The following THADA variants were observed in gnomAD, a reference collection of about 807,000 sequenced individuals.
THADA encodes the protein THADA armadillo repeat containing, also known as tRNA (32-2'-O)-methyltransferase regulator THADA.
THADA carries 213 observed loss-of-function variants against 219.8 expected under a neutral mutation model. The ratio of observed to expected loss-of-function variants is 0.97; its 90% CI spans 0.87 to 1.09. The LOEUF is 1.09. Among genes scored for constraint, THADA ranks in the 50% least tolerant of loss-of-function variants. THADA has a pLI of 0.00. For synonymous variants in THADA, 1,018 were observed against 828.9 expected (o/e 1.23, Z -3.92); for missense variants, 2,956 against 2,311.3 (o/e 1.28, Z -5.72).
intron 29 of THADA, among the ~76,000 whole-genome samples, chr2:43,356,818 A>C (rs1233770673): frequency 6.6e-6 from 1 of 152,168 alleles, no homozygotes; most frequent in Non-Finnish European, 1.5e-5. Context: ...ACAATTACTC[A>C]CTAATGGGAT....
At chr2:43,549,072 A>T in intron 20 of THADA, 138 bp downstream of exon 20, 1 of 858,546 alleles carries the variant, frequency 1.2e-6, no homozygotes, top group Non-Finnish European at 1.6e-6. Flanking sequence ...TTCCCAAAAC[A>T]AAATTTTTAA....
intron 34 of THADA, 104 bp downstream of exon 34, chr2:43,291,592 C>T: frequency 2.9e-6 from 2 of 687,120 alleles, no homozygotes; most frequent in Non-Finnish European, 2.2e-6. Context: ...ATACACATAT[C>T]ACAGGGGTTC....
intron 36 of THADA, among the ~76,000 whole-genome samples, chr2:43,274,178 C>T (rs578249023): frequency 1.3e-4 from 20 of 152,144 alleles, no homozygotes; most frequent in Non-Finnish European, 2.9e-4. Context: ...GCTTTCTGGT[C>T]CTGTAATCCA....
At chr2:43,574,271 G>C in intron 11 of THADA, 65 bp downstream of exon 11, 5 of 1,086,998 alleles carry the variant, frequency 4.6e-6, no homozygotes, top group Non-Finnish European at 5.2e-6. Context: ...ATTAGTATCT[G>C]CATAGCTACC....
At chr2:43,529,983 T>C (rs540857905) in intron 21 of THADA, among the ~76,000 whole-genome samples, 2 of 152,226 alleles carry the variant, frequency 1.3e-5, no homozygotes, top group South Asian at 4.2e-4. Context: ...ATAATCCAAT[T>C]CAGTTCAATA....
At chr2:43,242,488 T>C (rs891811432) in intron 36 of THADA, among the ~76,000 whole-genome samples, 8 of 152,108 alleles carry the variant, frequency 5.3e-5, no homozygotes, top group Admixed American at 2.6e-4. Context: ...ACCTATATTC[T>C]TTTTTCTTTT....
chr2:43,548,719 GA>G (rs138139942), intron 20 of THADA, among the ~76,000 whole-genome samples: 3,355 of 152,326 alleles, frequency 0.022, 131 homozygotes, highest in African/African-American at 0.075. Context: ...AAGCCCGTCG[GA>G]AAAGTGCAGT....
In THADA at chr2:43,417,037, C is replaced by CTTTT. The variant is rs67993873; in HGVS notation, c.4058+11059_4058+11062dup. Reference sequence around the variant, plus strand: ...GAATTGATATCCTCATGGCTGTTTTCTTTTTTTTTTTTTTTTTTTTTTGAG... The same window carrying CTTTT: ...GAATTGATATCCTCATGGCTGTTTTCTTTTTTTTTTTTTTTTTTTTTTTTTTGAG... On this transcript the variant is annotated intron_variant, in intron 28 of 37. Transcript: ENST00000405975. Among the ~76,000 whole-genome samples, 738 of 93,690 alleles carry CTTTT rather than the reference C, an allele frequency of 7.9e-3. 21 individuals are homozygous for CTTTT. Among genetic ancestry groups the CTTTT allele is most frequent in the African/African-American group, 0.021 (529 of 25,374 alleles). 61.5% of individuals were successfully genotyped at this position (93,690 alleles called of 152,430 possible).
intron 22 of THADA, among the ~76,000 whole-genome samples, chr2:43,510,691 G>C (rs1445113521): frequency 1.3e-5 from 2 of 151,054 alleles, no homozygotes; most frequent in African/African-American, 4.9e-5. Flanking sequence ...ATTGGGCCGG[G>C]TGAGCACAGT....
At chr2:43,247,083 G>T (rs916552494) in intron 36 of THADA, among the ~76,000 whole-genome samples, 5 of 152,160 alleles carry the variant, frequency 3.3e-5, no homozygotes, top group Non-Finnish European at 5.9e-5. Context: ...GAGTCTTAAG[G>T]GTTTCGAGAC....
intron 29 of THADA, among the ~76,000 whole-genome samples, chr2:43,346,306 T>C (rs1018955355): frequency 2.6e-5 from 4 of 152,138 alleles, no homozygotes; most frequent in African/African-American, 4.8e-5. Context: ...AGACATTTAG[T>C]GTGTTGGGTT....
chr2:43,296,883 C>T (rs914474169), intron 31 of THADA, among the ~76,000 whole-genome samples: 11 of 151,330 alleles, frequency 7.3e-5, no homozygotes, highest in African/African-American at 1.7e-4. Flanking sequence ...ACGGGCCCCG[C>T]GGGGCCCGAG....
intron 26 of THADA, among the ~76,000 whole-genome samples, chr2:43,432,056 C>T (rs1396918317): frequency 5.7e-5 from 7 of 123,174 alleles, no homozygotes; most frequent in Non-Finnish European, 1.2e-4. Context: ...CGGGGTTTCA[C>T]CGTTTTAGCC....
At chr2:43,449,493 A>T (rs767016262) in intron 26 of THADA, among the ~76,000 whole-genome samples, 1 of 152,234 alleles carries the variant, frequency 6.6e-6, no homozygotes, top group Non-Finnish European at 1.5e-5. Context: ...GATAGGATAA[A>T]CTAAAAAAGA....
At chr2:43,286,498 T>G (rs1228101846) in intron 35 of THADA, among the ~76,000 whole-genome samples, 1 of 152,156 alleles carries the variant, frequency 6.6e-6, no homozygotes, top group Non-Finnish European at 1.5e-5. Flanking sequence ...CCCAGTACTT[T>G]GGGAGGCTGA....
At chr2:43,359,187 G>A (rs1669212267) in intron 29 of THADA, among the ~76,000 whole-genome samples, 2 of 152,208 alleles carry the variant, frequency 1.3e-5, no homozygotes, top group South Asian at 4.1e-4. Context: ...TGATAACTAT[G>A]CCTCCCACAG....
chr2:43,252,490 A>C (rs1273095200), intron 36 of THADA, among the ~76,000 whole-genome samples: 8 of 152,170 alleles, frequency 5.3e-5, no homozygotes, highest in Admixed American at 5.2e-4. Context: ...ACAGAGAGAC[A>C]CAGTTTAGGA....
chr2:43,483,500 G>T (rs1258197314), intron 26 of THADA, among the ~76,000 whole-genome samples: 1 of 152,098 alleles, frequency 6.6e-6, no homozygotes, highest in Non-Finnish European at 1.5e-5. Context: ...CCGATCTTCA[G>T]ATTACTAAAA....
At chr2:43,396,943 T>C (rs1396312975) in intron 29 of THADA, among the ~76,000 whole-genome samples, 2 of 152,228 alleles carry the variant, frequency 1.3e-5, no homozygotes, top group African/African-American at 4.8e-5. Context: ...ATAATAACAA[T>C]AATGACTGTC....
Sources: gnomAD v4.1 joint callset for allele counts (sites outside exome capture counted in the v4.1 genomes callset) on GRCh38, gnomAD v4.1.1 for gene constraint, MANE v1.5 for transcripts, NCBI Gene and HGNC (gene_info 2026-07-23, HGNC 2026-07-21) for gene names.